Variants in TTC17 observed in about 807,000 individuals in gnomAD.
TTC17 encodes tetratricopeptide repeat domain 17.
TTC17 carries 58 observed loss-of-function variants against 143.8 expected under a neutral mutation model. The ratio of observed to expected loss-of-function variants is 0.40; its 90% CI spans 0.33 to 0.50. The LOEUF is 0.50. Among genes scored for constraint, TTC17 ranks in the 20% least tolerant of loss-of-function variants. The pLI is 0.49. For missense variants in TTC17, 1,273 were observed against 1,392.5 expected, an observed-to-expected ratio of 0.91 and a Z score of 1.37; for synonymous variants, 501 against 497.8, an observed-to-expected ratio of 1.01 and a Z score of -0.09.
intron 16 of TTC17, among the ~76,000 whole-genome samples, chr11:43,425,301 A>G (rs1434581956): frequency 6.6e-6 from 1 of 152,086 alleles, no homozygotes; most frequent in East Asian, 1.9e-4. Flanking sequence ...CCTGGGAAAC[A>G]TGATGGGACA....
chr11:43,389,690 T>A lies in TTC17; in HGVS notation c.288T>A (p.Asn96Lys), dbSNP rs776220530. The change falls in exon 3 of 24, where the codon AAT (asparagine) becomes AAA (lysine). Residue 96 changes from asparagine (N) to lysine (K), a missense_variant. Physicochemically the swap from Asn to Lys is moderately conservative, Grantham distance 94 (BLOSUM62 0). Transcript: ENST00000039989. ...CTCAAAAAATTCACATAGAAGAGAA[T>A]GAGGACAGAGACACAGGACTGGAAC... ...LVAQKIHIEENEDRDTGLEQR... is the reference protein window; with the variant it reads ...LVAQKIHIEEKEDRDTGLEQR... The A allele has an allele frequency of 6.2e-6, 10 of 1,611,260 alleles. No homozygotes were observed. In the Admixed American group the frequency reaches 1.0e-4, roughly 16 times the overall value.
intron 12 of TTC17, 70 bp downstream of exon 12, chr11:43,405,699 C>G (rs1159672614): frequency 6.2e-7 from 1 of 1,611,480 alleles, no homozygotes; most frequent in Non-Finnish European, 8.5e-7. Flanking sequence ...TTTGAGAGCA[C>G]CAGCCTTGGA....
intron 1 of TTC17, among the ~76,000 whole-genome samples, chr11:43,360,200 C>G (rs1565124113): frequency 1.3e-5 from 2 of 152,172 alleles, no homozygotes; most frequent in Non-Finnish European, 2.9e-5. Context: ...AATGTAATTG[C>G]AAATTCTATC....
intron 21 of TTC17, among the ~76,000 whole-genome samples, chr11:43,483,336 C>T (rs919204318): frequency 3.3e-5 from 5 of 151,722 alleles, no homozygotes; most frequent in African/African-American, 9.7e-5. Context: ...TTCCTTGAGA[C>T]GGGTATAAAC....
chr11:43,434,168 G>GACACACACAC (rs55913890), intron 16 of TTC17, among the ~76,000 whole-genome samples: 40 of 125,556 alleles, frequency 3.2e-4, no homozygotes, highest in African/African-American at 7.1e-4. Context: ...CATGGGCGGG[G>GACACACACAC]ACACACACAC....
chr11:43,439,768 G>T (rs1947374909), intron 16 of TTC17, among the ~76,000 whole-genome samples: 1 of 152,152 alleles, frequency 6.6e-6, no homozygotes, highest in Non-Finnish European at 1.5e-5. Context: ...ACCGCACCCA[G>T]CCCGTAGCTT....
intron 21 of TTC17, among the ~76,000 whole-genome samples, chr11:43,484,925 G>A (rs1214792647): frequency 6.6e-6 from 1 of 151,768 alleles, no homozygotes. Flanking sequence ...TACATGCGAG[G>A]GATCTAGGTT....
chr11:43,411,429 G>GC (rs34079879), intron 15 of TTC17, among the ~76,000 whole-genome samples: 1 of 141,740 alleles, frequency 7.1e-6, no homozygotes, highest in Non-Finnish European at 1.5e-5. Context: ...CACTCCCCCC[G>GC]CCCCCCACAA....
chr11:43,422,841 T>G (rs1197195302), intron 16 of TTC17, among the ~76,000 whole-genome samples: 1 of 152,088 alleles, frequency 6.6e-6, no homozygotes, highest in Non-Finnish European at 1.5e-5. Context: ...TTTGCTATAG[T>G]GAAGAGCAGG....
chr11:43,453,557 T>G (rs1315462732), intron 21 of TTC17, among the ~76,000 whole-genome samples: 1 of 152,206 alleles, frequency 6.6e-6, no homozygotes, highest in Non-Finnish European at 1.5e-5. Flanking sequence ...GCCATTAACA[T>G]GTAACAAATA....
chr11:43,389,283 G>A (rs1389774635), intron 2 of TTC17, among the ~76,000 whole-genome samples: 1 of 152,180 alleles, frequency 6.6e-6, no homozygotes, highest in Admixed American at 6.5e-5. Context: ...GGAATACCCA[G>A]GTACCAATAG....
chr11:43,366,258 G>A (rs1463329821), intron 1 of TTC17, among the ~76,000 whole-genome samples: 4 of 151,882 alleles, frequency 2.6e-5, no homozygotes, highest in Admixed American at 6.6e-5. Context: ...TATTATTGCC[G>A]CAGCTTCCTG....
chr11:43,424,105 T>C (rs1013596594), intron 16 of TTC17, among the ~76,000 whole-genome samples: 3 of 150,396 alleles, frequency 2.0e-5, no homozygotes, highest in Non-Finnish European at 4.4e-5. Flanking sequence ...TTTTTTTTCC[T>C]GAGGCGGAGT....
At chr11:43,373,402 C>T (rs1189088325) in intron 1 of TTC17, among the ~76,000 whole-genome samples, 1 of 151,200 alleles carries the variant, frequency 6.6e-6, no homozygotes, top group Non-Finnish European at 1.5e-5. Flanking sequence ...CTGCTCACTG[C>T]AAGCTCCACC....
chr11:43,388,894 TGAGCCCTG>T (rs1857271299), intron 2 of TTC17, among the ~76,000 whole-genome samples: 1 of 151,558 alleles, frequency 6.6e-6, no homozygotes, highest in Non-Finnish European at 1.5e-5. Context: ...GAGGATCCCC[TGAGCCCTG>T]GAGTTTGAGG....
intron 21 of TTC17, among the ~76,000 whole-genome samples, chr11:43,478,615 T>C (rs1490997358): frequency 6.6e-6 from 1 of 152,044 alleles, no homozygotes; most frequent in Non-Finnish European, 1.5e-5. Context: ...TATTTATTTA[T>C]GTAATTTAAA....
At position 43,367,822 on chromosome 11, in the gene TTC17, C is replaced by T. The variant is rs191500525; in HGVS notation, c.159+8709C>T. On this transcript the variant is annotated intron_variant, in intron 1 of 23. Transcript: ENST00000039989. ...TCCTCTCTCTTCCTTTTTTAAGCCC[C>T]CTCCAATTCATCCTTCATCCCTATA... Among the ~76,000 whole-genome samples the T allele has an allele frequency of 1.1e-4, 16 of 151,962 alleles. No homozygotes were observed. The East Asian group carries it at 1.7e-3, about 17-fold the overall frequency.
intron 16 of TTC17, among the ~76,000 whole-genome samples, chr11:43,426,917 A>G (rs576646445): frequency 4.3e-4 from 65 of 152,306 alleles, no homozygotes; most frequent in African/African-American, 1.5e-3. Flanking sequence ...TTCTGCTCTC[A>G]AGGAGCTAGG....
chr11:43,478,917 C>T (rs1948235570), intron 21 of TTC17, among the ~76,000 whole-genome samples: 2 of 152,216 alleles, frequency 1.3e-5, no homozygotes, highest in South Asian at 4.1e-4. Context: ...GTGTGAGCCA[C>T]CGCACCCAGC....
Sources: allele counts gnomAD v4.1 joint callset (sites outside exome capture counted in the v4.1 genomes callset), GRCh38; gene constraint gnomAD v4.1.1; transcripts MANE v1.5; gene names NCBI Gene and HGNC (gene_info 2026-07-23, HGNC 2026-07-21).